Variants in FGF14 observed in about 807,000 individuals in gnomAD.
The protein encoded by FGF14 is fibroblast growth factor 14, also known as fibroblast growth factor homologous factor 4.
In FGF14, 5 loss-of-function variants were observed where a neutral mutation model predicts 25.5. That is an observed-to-expected ratio of 0.20 (90% CI 0.10 to 0.41). FGF14 has a LOEUF of 0.41. FGF14 is among the 10% of genes least tolerant of loss of function. FGF14 has a pLI of 1.00. For missense variants in FGF14, 222 were observed against 320.1 expected, an observed-to-expected ratio of 0.69 and a Z score of 2.34; for synonymous variants, 138 against 118.3, an observed-to-expected ratio of 1.17 and a Z score of -1.08.
chr13:102,290,550 G>C (rs557034948), intron 1 of FGF14, among the ~76,000 whole-genome samples: 1 of 152,272 alleles, frequency 6.6e-6, no homozygotes, highest in Admixed American at 6.5e-5. Flanking sequence ...CTAAGATTGA[G>C]AGAAACATAT....
At chr13:101,798,514 A>C (rs1195989833) in intron 3 of FGF14, among the ~76,000 whole-genome samples, 1 of 152,130 alleles carries the variant, frequency 6.6e-6, no homozygotes, top group Non-Finnish European at 1.5e-5. Context: ...TAGATGAGAA[A>C]AAAATATCTA....
intron 3 of FGF14, among the ~76,000 whole-genome samples, chr13:101,851,758 C>G (rs370022705): frequency 6.6e-6 from 1 of 152,062 alleles, no homozygotes; most frequent in Non-Finnish European, 1.5e-5. Flanking sequence ...AATCTTTTAA[C>G]TCATTCAATA....
At chr13:101,901,896 T>G (rs1279117302) in intron 1 of FGF14, among the ~76,000 whole-genome samples, 3 of 151,982 alleles carry the variant, frequency 2.0e-5, no homozygotes, top group Non-Finnish European at 2.9e-5. Flanking sequence ...CTTTAAAGGG[T>G]TTTTTAAGCT....
At chr13:102,249,503 TGAGAGTGACCAACA>T (rs2052056042) in intron 1 of FGF14, among the ~76,000 whole-genome samples, 1 of 152,050 alleles carries the variant, frequency 6.6e-6, no homozygotes, top group Non-Finnish European at 1.5e-5. Flanking sequence ...AGACTGTGTG[TGAGAGTGACCAACA>T]GCTCAGAGAA....
intron 1 of FGF14, among the ~76,000 whole-genome samples, chr13:101,906,333 G>A (rs1327701354): frequency 6.6e-6 from 1 of 152,022 alleles, no homozygotes; most frequent in African/African-American, 2.4e-5. Flanking sequence ...AGATTAATAG[G>A]GTTAAACAAT....
intron 3 of FGF14, among the ~76,000 whole-genome samples, chr13:101,841,252 C>T (rs76748712): frequency 4.5e-4 from 68 of 151,930 alleles, no homozygotes; most frequent in African/African-American, 1.5e-3. Context: ...TTATCCACCC[C>T]GAATACACTG....
chr13:101,802,163 C>A, intron 3 of FGF14: 1 of 255,524 alleles, frequency 3.9e-6, no homozygotes, highest in South Asian at 4.4e-5. Context: ...CATCTGAATT[C>A]TTTCCGTTCT....
intron 1 of FGF14, among the ~76,000 whole-genome samples, chr13:102,308,506 G>A (rs761205317): frequency 2.0e-5 from 3 of 152,124 alleles, no homozygotes; most frequent in Admixed American, 2.0e-4. Context: ...CTTACAGGAT[G>A]TATAAAGGGG....
intron 1 of FGF14, among the ~76,000 whole-genome samples, chr13:102,344,949 G>A (rs1193488773): frequency 6.6e-6 from 1 of 152,198 alleles, no homozygotes; most frequent in Non-Finnish European, 1.5e-5. Context: ...GTTGAAGCAG[G>A]GAAGGCCTGG....
Position 102,040,343 on chromosome 13 carries a change from T to A in FGF14, c.209-165047A>T, listed in dbSNP as rs562628181. Reference sequence around the variant, plus strand: ...CATATTTGTCTTTTTTTCTCTTACATCTCCAGGTATACAATACCTTTTTAC... The same window carrying A: ...CATATTTGTCTTTTTTTCTCTTACAACTCCAGGTATACAATACCTTTTTAC... On this transcript the variant is annotated intron_variant, in intron 1 of 4. Coordinates refer to the FGF14 transcript ENST00000376131. 2.6e-5 allele frequency among the ~76,000 whole-genome samples: 4 copies of A among 152,272 alleles called. No homozygotes were observed. The South Asian group carries it at 6.2e-4, about 24-fold the overall frequency.
intron 1 of FGF14, among the ~76,000 whole-genome samples, chr13:102,289,060 A>C (rs762819282): frequency 6.6e-6 from 1 of 152,064 alleles, no homozygotes; most frequent in South Asian, 2.1e-4. Flanking sequence ...TTGCCTTACA[A>C]CACCTTCAAC....
chr13:102,033,384 G>A (rs1288632768), intron 1 of FGF14, among the ~76,000 whole-genome samples: 1 of 152,118 alleles, frequency 6.6e-6, no homozygotes, highest in East Asian at 1.9e-4. Context: ...GACAAGGGAA[G>A]CCTTAGCTTA....
intron 1 of FGF14, among the ~76,000 whole-genome samples, chr13:102,152,135 T>C (rs1347803692): frequency 6.6e-6 from 1 of 152,202 alleles, no homozygotes; most frequent in Admixed American, 6.5e-5. Context: ...TGGTTTTCTA[T>C]ACCTGAAAGT....
At chr13:101,896,920 A>C (rs1201002433) in intron 1 of FGF14, among the ~76,000 whole-genome samples, 1 of 152,202 alleles carries the variant, frequency 6.6e-6, no homozygotes, top group Non-Finnish European at 1.5e-5. Flanking sequence ...GACTGAACTG[A>C]TAATCATTGA....
chr13:101,805,399 C>T (rs972633673), intron 3 of FGF14, among the ~76,000 whole-genome samples: 8 of 152,086 alleles, frequency 5.3e-5, no homozygotes, highest in Admixed American at 2.0e-4. Context: ...AAGCTATAGA[C>T]AGCTGTAATT....
chr13:101,891,281 T>G (rs2046254511), intron 1 of FGF14, among the ~76,000 whole-genome samples: 1 of 152,126 alleles, frequency 6.6e-6, no homozygotes, highest in African/African-American at 2.4e-5. Flanking sequence ...CACATTGGCC[T>G]TCCCTGTCTC....
Position 101,715,399 on chromosome 13 carries a change from C to T in FGF14, c.*7432G>A, listed in dbSNP as rs963976300. The T allele has an allele frequency of 2.4e-5, 15 of 617,632 alleles. No individual in the cohort carries two copies. Among genetic ancestry groups the T allele is most frequent in the East Asian group, 1.7e-4 (6 of 35,882 alleles). The allele number at this position is 617,632 out of a possible 1,614,324, so 38.3% of individuals were successfully genotyped here. A position where few individuals can be genotyped will look rare whatever the true frequency, so the allele number is the denominator to read the frequency against. On this transcript the variant is annotated 3_prime_UTR_variant, in exon 5 of 5. Transcript: ENST00000376143. ...TAATTGTTTGAAAGATTAGATGTCT[C>T]GCAGCTGCTTAATAAGATGTAATAA...
At chr13:101,892,361 C>T (rs991342719) in intron 1 of FGF14, among the ~76,000 whole-genome samples, 1 of 152,054 alleles carries the variant, frequency 6.6e-6, no homozygotes, top group African/African-American at 2.4e-5. Context: ...TATTGTTTAC[C>T]ATTTAGCCAC....
At chr13:102,387,708 G>GTT (rs60729587) in intron 1 of FGF14, among the ~76,000 whole-genome samples, 2 of 148,302 alleles carry the variant, frequency 1.3e-5, no homozygotes, top group African/African-American at 4.9e-5. Context: ...CCACTAGGCA[G>GTT]TTTTTTTTTT....
Sources: gnomAD v4.1 joint callset for allele counts (sites outside exome capture counted in the v4.1 genomes callset) on GRCh38, gnomAD v4.1.1 for gene constraint, MANE v1.5 for transcripts, NCBI Gene and HGNC (gene_info 2026-07-23, HGNC 2026-07-21) for gene names.